Variants in CTNNBL1 observed in about 807,000 individuals in gnomAD.
CTNNBL1 encodes catenin beta like 1, also known as beta-catenin-like protein 1.
A neutral mutation model predicts 72.7 loss-of-function variants in CTNNBL1; 31 were observed. The observed-to-expected ratio is 0.43, with a 90% confidence interval of 0.32 to 0.58. The LOEUF (loss-of-function observed/expected upper bound fraction) is 0.58, where lower values mean the gene tolerates loss of function less well. CTNNBL1 is among the 20% of genes least tolerant of loss of function. CTNNBL1 has a pLI of 0.08. For synonymous variants in CTNNBL1, 240 were observed against 267.3 expected, an observed-to-expected ratio of 0.90 and a Z score of 1.00; for missense variants, 534 against 725.1, an observed-to-expected ratio of 0.74 and a Z score of 3.03.
chr20:37,794,583 C>T (rs1426231757), intron 10 of CTNNBL1, among the ~76,000 whole-genome samples: 3 of 152,206 alleles, frequency 2.0e-5, no homozygotes, highest in Non-Finnish European at 2.9e-5. Flanking sequence ...ACCTCTTCCT[C>T]CCAGGTTCAA....
At chr20:37,832,222 A>G (rs1456575577) in intron 11 of CTNNBL1, 5 of 152,226 alleles carry the variant, frequency 3.3e-5, no homozygotes, top group African/African-American at 1.2e-4. Flanking sequence ...GAGCCAAGCA[A>G]TCTAGGTTTC....
intron 1 of CTNNBL1, among the ~76,000 whole-genome samples, chr20:37,700,991 T>A (rs2072836605): frequency 6.6e-6 from 1 of 152,186 alleles, no homozygotes; most frequent in Non-Finnish European, 1.5e-5. Context: ...AATAAAATTT[T>A]AAATGATAAT....
At chr20:37,767,171 T>C (rs1217652278) in intron 6 of CTNNBL1, among the ~76,000 whole-genome samples, 3 of 152,142 alleles carry the variant, frequency 2.0e-5, no homozygotes, top group Non-Finnish European at 4.4e-5. Flanking sequence ...TGTATCTGTT[T>C]CATGCTAGTA....
At chr20:37,756,974 A>AT (rs1369508178) in intron 4 of CTNNBL1, 1 of 151,572 alleles carries the variant, frequency 6.6e-6, no homozygotes, top group African/African-American at 2.4e-5. Flanking sequence ...TCCTTTTCCT[A>AT]TTTTTGCACA....
chr20:37,777,267 A>T, intron 7 of CTNNBL1, 78 bp from the exon 8 acceptor site: 1 of 1,083,622 alleles, frequency 9.2e-7, no homozygotes, highest in Non-Finnish European at 1.4e-6. Flanking sequence ...CTCAGATCAT[A>T]GTACTCGTGA....
intron 11 of CTNNBL1, among the ~76,000 whole-genome samples, chr20:37,815,532 G>A (rs1271118527): frequency 1.3e-5 from 2 of 152,032 alleles, no homozygotes; most frequent in Non-Finnish European, 2.9e-5. Context: ...TGGTCAGGCT[G>A]CTCTCGAACT....
intron 2 of CTNNBL1, among the ~76,000 whole-genome samples, chr20:37,733,894 C>T (rs1357649648): frequency 6.6e-6 from 1 of 152,130 alleles, no homozygotes; most frequent in Non-Finnish European, 1.5e-5. Context: ...CAGAGCAATA[C>T]CTAGCTCTTG....
intron 3 of CTNNBL1, among the ~76,000 whole-genome samples, chr20:37,743,248 A>G (rs2073233756): frequency 1.3e-5 from 2 of 151,486 alleles, no homozygotes; most frequent in Non-Finnish European, 2.9e-5. Context: ...GAAATCTTGT[A>G]TACACTCACT....
chr20:37,805,079 C>A (rs930659716), intron 11 of CTNNBL1, among the ~76,000 whole-genome samples: 1 of 152,256 alleles, frequency 6.6e-6, no homozygotes, highest in Non-Finnish European at 1.5e-5. Context: ...AACCGGCCTT[C>A]GGCCATGAAT....
chr20:37,849,319 A>T (rs1347814635), intron 13 of CTNNBL1, among the ~76,000 whole-genome samples: 1 of 152,244 alleles, frequency 6.6e-6, no homozygotes, highest in African/African-American at 2.4e-5. Context: ...GTGGCCTTGC[A>T]TCGCCCTCGG....
Position 37,694,095 on chromosome 20 carries a change from A to G in CTNNBL1, c.-28A>G. 6.2e-7 allele frequency: 1 copy of G among 1,602,630 alleles called. No homozygotes were observed. Among genetic ancestry groups the G allele is most frequent in the Non-Finnish European group, 8.5e-7 (1 of 1,175,570 alleles). On this transcript the variant is annotated 5_prime_UTR_variant, in exon 1 of 16. Coordinates refer to ENST00000361383, the MANE Select transcript of CTNNBL1 (RefSeq NM_030877.5). ...CCGCGGTCTGGGCGTGAGTGCAGGG[A>G]AGTGGAGTATTTGCTGGGCCGGGTA...
chr20:37,829,574 C>G lies in CTNNBL1; in HGVS notation c.1214-10528C>G, dbSNP rs560414955. Reference sequence around the variant, plus strand: ...TCCAACCTCATTACTTTTCATCCTTCCTTCCCTCCTGCGACATTGATCTCT... The same window carrying G: ...TCCAACCTCATTACTTTTCATCCTTGCTTCCCTCCTGCGACATTGATCTCT... On this transcript the variant is annotated intron_variant, in intron 11 of 15. Coordinates refer to ENST00000361383, the MANE Select transcript of CTNNBL1 (RefSeq NM_030877.5). Among the ~76,000 whole-genome samples, 7 of 152,280 alleles carry G rather than the reference C, an allele frequency of 4.6e-5. No homozygotes were observed. In the South Asian group the frequency reaches 1.5e-3, roughly 32 times the overall value.
intron 10 of CTNNBL1, among the ~76,000 whole-genome samples, chr20:37,784,894 T>C (rs2073658860): frequency 6.6e-6 from 1 of 152,214 alleles, no homozygotes; most frequent in South Asian, 2.1e-4. Flanking sequence ...ATTGAAGAAC[T>C]ACCTTTAGCA....
intron 1 of CTNNBL1, 126 bp from the exon 2 acceptor site, chr20:37,732,753 A>G (rs956663349): frequency 1.9e-5 from 15 of 782,162 alleles, no homozygotes; most frequent in Admixed American, 9.1e-5. Context: ...GGCTGGTCTC[A>G]AACTCCTGGG....
At chr20:37,702,543 C>T (rs946244960) in intron 1 of CTNNBL1, among the ~76,000 whole-genome samples, 5 of 152,114 alleles carry the variant, frequency 3.3e-5, no homozygotes, top group Non-Finnish European at 5.9e-5. Flanking sequence ...CAGTTTAGTA[C>T]ATTTTGAAGT....
At chr20:37,742,283 A>G (rs1224206646) in intron 3 of CTNNBL1, among the ~76,000 whole-genome samples, 1 of 152,212 alleles carries the variant, frequency 6.6e-6, no homozygotes, top group Non-Finnish European at 1.5e-5. Flanking sequence ...CCCTAAAACC[A>G]CCGTAGCACT....
intron 11 of CTNNBL1, among the ~76,000 whole-genome samples, chr20:37,827,285 A>T (rs6123028): frequency 1.3e-5 from 2 of 151,962 alleles, no homozygotes; most frequent in Non-Finnish European, 2.9e-5. Flanking sequence ...TTTTTGTACA[A>T]GTTTTATTGT....
chr20:37,762,397 T>C (rs4274648), intron 5 of CTNNBL1, among the ~76,000 whole-genome samples: 50,002 of 152,094 alleles, frequency 0.33, 8,326 homozygotes, highest in African/African-American at 0.36. Flanking sequence ...CTCTTTTTTA[T>C]TTCCTCCTCT....
At chr20:37,703,883 C>G (rs1463462518) in intron 1 of CTNNBL1, among the ~76,000 whole-genome samples, 1 of 151,652 alleles carries the variant, frequency 6.6e-6, no homozygotes, top group Non-Finnish European at 1.5e-5. Context: ...GTTCAAGCGA[C>G]TCTCCTGCCT....
Sources: gnomAD v4.1 joint callset for allele counts (sites outside exome capture counted in the v4.1 genomes callset) on GRCh38, gnomAD v4.1.1 for gene constraint, MANE v1.5 for transcripts, NCBI Gene and HGNC (gene_info 2026-07-23, HGNC 2026-07-21) for gene names.